GTF2H5: variants seen among roughly 807,000 people sequenced by gnomAD.
GTF2H5 encodes general transcription factor IIH subunit 5.
In GTF2H5, 5 loss-of-function variants were observed where a neutral mutation model predicts 7.1. The ratio of observed to expected loss-of-function variants is 0.71; its 90% CI spans 0.37 to 1.49. The LOEUF (loss-of-function observed/expected upper bound fraction) is 1.49. Ranked by LOEUF, GTF2H5 falls within the 40% of genes most tolerant of loss-of-function variation. The pLI, the probability that GTF2H5 is intolerant of heterozygous loss-of-function variation, is 0.03. For missense variants in GTF2H5, 80 were observed against 83.0 expected, an observed-to-expected ratio of 0.96 and a Z score of 0.14; for synonymous variants, 30 against 31.7, an observed-to-expected ratio of 0.95 and a Z score of 0.18.
chr6:158,188,813 T>C (rs1233872395), intron 2 of GTF2H5, among the ~76,000 whole-genome samples: 2 of 152,204 alleles, frequency 1.3e-5, no homozygotes, highest in Non-Finnish European at 2.9e-5. Flanking sequence ...CCGGAGATCC[T>C]CATTCTCATT....
chr6:158,176,019 A>G (rs1300431022), intron 2 of GTF2H5, among the ~76,000 whole-genome samples: 1 of 152,194 alleles, frequency 6.6e-6, no homozygotes, highest in Non-Finnish European at 1.5e-5. Context: ...ATATTAATTT[A>G]GTTTTCACAA....
At position 158,169,448 on chromosome 6, in the gene GTF2H5, A is replaced by G. The variant is rs866551752; in HGVS notation, c.-34-1022A>G. On this transcript the variant is annotated intron_variant, in intron 1 of 2. Transcript: ENST00000607778. ...TAATATATTGTATATTATATATATT[A>G]TATATTATATATATTATATTGTATA... Among the ~76,000 whole-genome samples, 72 of 66,824 alleles carry G rather than the reference A, an allele frequency of 1.1e-3. 3 individuals carry two copies. The highest frequency in any genetic ancestry group is 5.4e-3 in the African/African-American group (69 of 12,702). 43.8% of individuals were successfully genotyped at this position (66,824 alleles called of 152,430 possible).
rs1443696114 is a variant in GTF2H5 at position 158,197,902 on chromosome 6, AC to A, written c.*5748del. On this transcript the variant is annotated 3_prime_UTR_variant, in exon 3 of 3. Transcript: ENST00000607778. ...AAAAAGACATGGTTAATTTCCCAGG[AC>A]CCTCAGTTCTTTAGGGATAGACTGA... The A allele has an allele frequency of 6.6e-6, 1 of 152,154 alleles. No homozygotes were observed. Among genetic ancestry groups the A allele is most frequent in the African/African-American group, 2.4e-5 (1 of 41,432 alleles). The allele number at this position is 152,154 out of a possible 1,614,324, so 9.4% of individuals were successfully genotyped here. A position where few individuals can be genotyped will look rare whatever the true frequency, so the allele number is the denominator to read the frequency against.
At chr6:158,181,082 C>T (rs190601706) in intron 2 of GTF2H5, among the ~76,000 whole-genome samples, 46 of 152,184 alleles carry the variant, frequency 3.0e-4, no homozygotes, top group African/African-American at 1.0e-3. Context: ...TCTTTGTTCT[C>T]ACTGGTTTCA....
rs1398866240 is a variant in GTF2H5, at chr6:158,169,780, GTATATTA to G, written c.-34-676_-34-670del. 4.3e-3 allele frequency among the ~76,000 whole-genome samples: 326 copies of G among 76,140 alleles called. 5 individuals carry two copies. Among genetic ancestry groups the G allele is most frequent in the African/African-American group, 7.8e-3 (145 of 18,538 alleles). 50.0% of individuals were successfully genotyped at this position (76,140 alleles called of 152,430 possible). ...TATTGTATATTATATATAATATATT[GTATATTA>G]TATATTATATATTGTATATTATATA... On this transcript the variant is annotated intron_variant, in intron 1 of 2. Transcript: ENST00000607778.
At chr6:158,171,151 C>T (rs911245495) in intron 2 of GTF2H5, among the ~76,000 whole-genome samples, 1 of 152,168 alleles carries the variant, frequency 6.6e-6, no homozygotes, top group Non-Finnish European at 1.5e-5. Context: ...TAGGACACTG[C>T]CAACATTTAG....
rs774647983 is a variant in GTF2H5 at position 158,195,485 on chromosome 6, A to G, written c.*3328A>G. 15 of 152,196 alleles carry G rather than the reference A, an allele frequency of 9.9e-5. No individual in the cohort carries two copies. Among genetic ancestry groups the G allele is most frequent in the Non-Finnish European group, 1.9e-4 (13 of 68,028 alleles). The allele number at this position is 152,196 out of a possible 1,614,324, so 9.4% of individuals were successfully genotyped here. A position where few individuals can be genotyped will look rare whatever the true frequency, so the allele number is the denominator to read the frequency against. On this transcript the variant is annotated 3_prime_UTR_variant, in exon 3 of 3. Transcript: ENST00000607778. ...AACATCACAGTTGATGGATATAACAATGTATTTTGAGAAATCAGTTTTGGT... is the reference window on the plus strand; with the variant it reads ...AACATCACAGTTGATGGATATAACAGTGTATTTTGAGAAATCAGTTTTGGT...
intron 2 of GTF2H5, among the ~76,000 whole-genome samples, chr6:158,173,835 A>G (rs555652430): frequency 5.6e-4 from 86 of 152,248 alleles, no homozygotes; most frequent in Non-Finnish European, 1.1e-3. Flanking sequence ...CTAACTGGCT[A>G]TTTTATGGCC....
rs775818040 is a variant in GTF2H5, at chr6:158,170,465, A to G, written c.-34-5A>G. On this transcript the variant is annotated splice_polypyrimidine_tract_variant and splice_region_variant and intron_variant, in intron 1 of 2. Coordinates refer to ENST00000607778, the MANE Select transcript of GTF2H5 (RefSeq NM_207118.3). Reference sequence around the variant, plus strand: ...AATTTAATGTTACCTTACTCTTTTTATTAGCATTCTTCAGGTCATCTGAAC... The same window carrying G: ...AATTTAATGTTACCTTACTCTTTTTGTTAGCATTCTTCAGGTCATCTGAAC... 1 of 1,543,832 alleles carries G rather than the reference A, an allele frequency of 6.5e-7. No individual in the cohort carries two copies. Among genetic ancestry groups the G allele is most frequent in the Non-Finnish European group, 9.0e-7 (1 of 1,115,996 alleles).
At chr6:158,176,189 T>C (rs1785931591) in intron 2 of GTF2H5, among the ~76,000 whole-genome samples, 1 of 152,194 alleles carries the variant, frequency 6.6e-6, no homozygotes, top group African/African-American at 2.4e-5. Flanking sequence ...ACGTTACATA[T>C]ACTATCTCTC....
At chr6:158,175,046 A>ATATG (rs1350204806) in intron 2 of GTF2H5, among the ~76,000 whole-genome samples, 1 of 41,708 alleles carries the variant, frequency 2.4e-5, no homozygotes, top group Non-Finnish European at 4.5e-5. Flanking sequence ...GTGTGTGTGT[A>ATATG]TACACACACA....
At chr6:158,176,626 G>T (rs928254027) in intron 2 of GTF2H5, among the ~76,000 whole-genome samples, 2 of 152,194 alleles carry the variant, frequency 1.3e-5, no homozygotes, top group African/African-American at 4.8e-5. Flanking sequence ...GCCGAGACCA[G>T]CTCGGTCTGG....
chr6:158,178,336 C>T (rs1376362037), intron 2 of GTF2H5, among the ~76,000 whole-genome samples: 1 of 151,204 alleles, frequency 6.6e-6, no homozygotes, highest in African/African-American at 2.4e-5. Context: ...ATTAGCCAGG[C>T]ATGGTGGCTA....
intron 2 of GTF2H5, among the ~76,000 whole-genome samples, chr6:158,187,185 G>A (rs772010220): frequency 3.3e-5 from 5 of 151,792 alleles, no homozygotes; most frequent in South Asian, 2.1e-4. Context: ...TTGTAGAGAC[G>A]GGGTTTCATC....
Position 158,170,463 on chromosome 6 carries a change from T to C in GTF2H5, c.-34-7T>C, listed in dbSNP as rs769919239. On this transcript the variant is annotated splice_polypyrimidine_tract_variant and splice_region_variant and intron_variant, in intron 1 of 2. Transcript: ENST00000607778. ...TTAATTTAATGTTACCTTACTCTTT[T>C]TATTAGCATTCTTCAGGTCATCTGA... is the stretch of plus-strand genomic sequence containing the variant. 6 of 1,537,444 alleles carry C rather than the reference T, an allele frequency of 3.9e-6. No individual in the cohort carries two copies. Among genetic ancestry groups the C allele is most frequent in the Non-Finnish European group, 5.4e-6 (6 of 1,110,056 alleles).
chr6:158,170,052 G>T (rs1260130463), intron 1 of GTF2H5, among the ~76,000 whole-genome samples: 7 of 151,744 alleles, frequency 4.6e-5, no homozygotes, highest in Non-Finnish European at 1.0e-4. Flanking sequence ...AAAGGAGGTG[G>T]TTGGGCTCAC....
chr6:158,177,021 T>C (rs944020918), intron 2 of GTF2H5, among the ~76,000 whole-genome samples: 1 of 152,252 alleles, frequency 6.6e-6, no homozygotes, highest in Non-Finnish European at 1.5e-5. Flanking sequence ...ACCCACAGCC[T>C]TCCAGCGTGG....
At chr6:158,189,616 A>G (rs1776985924) in intron 2 of GTF2H5, among the ~76,000 whole-genome samples, 1 of 151,370 alleles carries the variant, frequency 6.6e-6, no homozygotes, top group African/African-American at 2.4e-5. Context: ...TCCCTCTCAT[A>G]CCTCACTCCA....
At chr6:158,175,992 A>G (rs1028008223) in intron 2 of GTF2H5, among the ~76,000 whole-genome samples, 1 of 152,216 alleles carries the variant, frequency 6.6e-6, no homozygotes, top group East Asian at 1.9e-4. Flanking sequence ...GACATGTGCT[A>G]TACTAAGCAC....
Sources: allele counts gnomAD v4.1 joint callset (sites outside exome capture counted in the v4.1 genomes callset), GRCh38; gene constraint gnomAD v4.1.1; transcripts MANE v1.5; gene names NCBI Gene and HGNC (gene_info 2026-07-23, HGNC 2026-07-21).